Variants in DYNC2H1 observed in about 807,000 individuals in gnomAD.
DYNC2H1 encodes cytoplasmic dynein 2 heavy chain 1.
A neutral mutation model predicts 570.0 loss-of-function variants in DYNC2H1; 410 were observed. The observed-to-expected ratio is 0.72, with a 90% CI of 0.66 to 0.78. DYNC2H1 has a LOEUF of 0.78. Ranked by LOEUF, DYNC2H1 falls within the 30% of genes least tolerant of loss-of-function variation. The pLI is 0.00. For missense variants in DYNC2H1, 4,865 were observed against 5,046.4 expected (o/e 0.96, Z 1.09); for synonymous variants, 1,688 against 1,677.6 (o/e 1.01, Z -0.15).
At chr11:103,285,447 G>C (rs1866311588) in intron 73 of DYNC2H1, among the ~76,000 whole-genome samples, 1 of 127,940 alleles carries the variant, frequency 7.8e-6, no homozygotes, top group Non-Finnish European at 1.6e-5. Context: ...TTTTGAGACA[G>C]AGTCTCGCTC....
chr11:103,143,710 C>G (rs968156009), intron 18 of DYNC2H1, among the ~76,000 whole-genome samples: 2 of 152,096 alleles, frequency 1.3e-5, no homozygotes, highest in Non-Finnish European at 2.9e-5. Flanking sequence ...CTGGTGAGAG[C>G]ATACTAGACA....
At chr11:103,120,108 G>C (rs1858621451) in intron 6 of DYNC2H1, among the ~76,000 whole-genome samples, 1 of 152,024 alleles carries the variant, frequency 6.6e-6, no homozygotes, top group African/African-American at 2.4e-5. Context: ...TTAAGGGTAG[G>C]CTCTAAAAAT....
intron 25 of DYNC2H1, among the ~76,000 whole-genome samples, 196 bp downstream of exon 25, chr11:103,155,697 A>G (rs1291076535): frequency 1.3e-5 from 2 of 152,228 alleles, no homozygotes; most frequent in Non-Finnish European, 2.9e-5. Flanking sequence ...GCTAGAGGAT[A>G]CACAAATCCA....
At position 103,156,621 on chromosome 11, in the gene DYNC2H1, A is replaced by G. The variant is rs1860839437; in HGVS notation, c.3978A>G (p.Ser1326=). The G allele has an allele frequency of 1.2e-6, 2 of 1,613,614 alleles. No individual in the cohort carries two copies. Among genetic ancestry groups the G allele is most frequent in the East Asian group, 4.5e-5 (2 of 44,848 alleles). ...PYYKGFEDKV[S]IWERKLAELD... ...ATAAAGGATTTGAAGATAAAGTATC[A>G]ATTTGGGAAAGAAAACTTGCAGAGT... The change falls in exon 26 of 89, where the codon TCA becomes TCG. Residue 1326 remains serine, a synonymous_variant. Transcript: ENST00000375735.
At chr11:103,167,750 A>C (rs970870028) in intron 31 of DYNC2H1, among the ~76,000 whole-genome samples, 2 of 152,174 alleles carry the variant, frequency 1.3e-5, no homozygotes, top group African/African-American at 4.8e-5. Context: ...TTTTGTTTAA[A>C]TCCTCTGGAG....
intron 87 of DYNC2H1, among the ~76,000 whole-genome samples, chr11:103,460,045 G>T (rs1235162667): frequency 6.6e-6 from 1 of 151,970 alleles, no homozygotes; most frequent in Non-Finnish European, 1.5e-5. Context: ...GTTGAGATGG[G>T]GTTTTGCTAT....
rs1226744446 is a variant in DYNC2H1, at chr11:103,177,770, C to T, written c.6089C>T (p.Ser2030Phe). 5 of 1,612,988 alleles carry T rather than the reference C, an allele frequency of 3.1e-6. 1 individual carries two copies. In the Middle Eastern group the frequency reaches 6.6e-4, roughly 213 times the overall value. ...GHIDMDTREW[S>F]DGVLTNSARQ... ...ATTGACATGGACACAAGAGAATGGT[C>T]TGATGGTGTTTTGACAAATAGTGCT... Residue 2030 changes from serine (S) to phenylalanine (F), a missense_variant, in exon 38 of 89, where the codon TCT becomes TTT. Ser to Phe is a radical substitution (Grantham distance 155, BLOSUM62 -2). Transcript: ENST00000375735. The surrounding 1 kb of genome is among the most constrained non-coding windows in gnomAD (Gnocchi z 4.4).
At chr11:103,463,111 T>A (rs894508599) in intron 87 of DYNC2H1, among the ~76,000 whole-genome samples, 1 of 152,212 alleles carries the variant, frequency 6.6e-6, no homozygotes, top group African/African-American at 2.4e-5. Flanking sequence ...TGAGAACCGC[T>A]GAAGATGGCC....
chr11:103,389,211 TCTC>T (rs1435026575), intron 83 of DYNC2H1, among the ~76,000 whole-genome samples: 1 of 152,232 alleles, frequency 6.6e-6, no homozygotes, highest in Non-Finnish European at 1.5e-5. Flanking sequence ...AGATTCAACT[TCTC>T]CTGGTTTAGT....
At chr11:103,421,003 C>T (rs1418557874) in intron 84 of DYNC2H1, among the ~76,000 whole-genome samples, 1 of 152,152 alleles carries the variant, frequency 6.6e-6, no homozygotes, top group Non-Finnish European at 1.5e-5. Context: ...CAAAGACACA[C>T]ATAGGCTCAA....
At position 103,257,721 on chromosome 11, in the gene DYNC2H1, A is replaced by G; in HGVS notation, c.10575A>G (p.Arg3525=). 1 of 1,603,558 alleles carries G rather than the reference A, an allele frequency of 6.2e-7. No individual in the cohort carries two copies. Among genetic ancestry groups the G allele is most frequent in the Non-Finnish European group, 8.5e-7 (1 of 1,174,558 alleles). ...MYRFSLAAFL[R]LFQRALQNKQ... is the part of the protein sequence containing the mutation. Reference sequence around the variant, plus strand: ...GTTTTAGTTTGGCTGCTTTTCTCCGACTTTTCCAACGAGCTCTACAAAACA... The same window carrying G: ...GTTTTAGTTTGGCTGCTTTTCTCCGGCTTTTCCAACGAGCTCTACAAAACA... The change falls in exon 69 of 89, where the codon CGA becomes CGG. Residue 3525 remains arginine (R), a synonymous_variant. Transcript: ENST00000375735.
intron 87 of DYNC2H1, among the ~76,000 whole-genome samples, chr11:103,457,915 CTT>C (rs1460318090): frequency 1.3e-5 from 2 of 152,028 alleles, no homozygotes; most frequent in Non-Finnish European, 2.9e-5. Flanking sequence ...ATAAATAACA[CTT>C]AGCTTAAAAC....
At position 103,326,848 on chromosome 11, in the gene DYNC2H1, G is replaced by T. The variant is rs77605476; in HGVS notation, c.12039+2858G>T. ...TCTAGGAGGGTGATGAGGACCCCTGGGGGAATGGGCACTTAGGGCCTTACT... is the reference window on the plus strand; with the variant it reads ...TCTAGGAGGGTGATGAGGACCCCTGTGGGAATGGGCACTTAGGGCCTTACT... On this transcript the variant is annotated intron_variant, in intron 82 of 88. Coordinates refer to ENST00000375735, the MANE Select transcript of DYNC2H1 (RefSeq NM_001377.3). This position sits in a 1 kb window ranked among gnomAD's most constrained non-coding sequence, Gnocchi z 6.1. Among the ~76,000 whole-genome samples the T allele has an allele frequency of 1.8e-3, 275 of 152,280 alleles. No homozygotes were observed. The highest frequency in any genetic ancestry group is 6.4e-3 in the African/African-American group (267 of 41,578).
intron 84 of DYNC2H1, among the ~76,000 whole-genome samples, chr11:103,410,064 C>T (rs1943016905): frequency 6.6e-6 from 1 of 151,390 alleles, no homozygotes; most frequent in African/African-American, 2.4e-5. Context: ...TGAAATCTTC[C>T]AGGGGTAAGC....
chr11:103,169,014 G>C, intron 32 of DYNC2H1, 54 bp downstream of exon 32: 2 of 1,438,700 alleles, frequency 1.4e-6, no homozygotes, highest in Non-Finnish European at 1.8e-6. Flanking sequence ...TTACTGTAAA[G>C]AAAATTTGTT....
At chr11:103,166,834 A>T (rs1381623319) in intron 31 of DYNC2H1, among the ~76,000 whole-genome samples, 1 of 151,920 alleles carries the variant, frequency 6.6e-6, no homozygotes, top group African/African-American at 2.4e-5. Flanking sequence ...TCTCAGCTTC[A>T]ATCTGTACAT....
At chr11:103,415,175 T>C (rs1943238381) in intron 84 of DYNC2H1, among the ~76,000 whole-genome samples, 1 of 152,122 alleles carries the variant, frequency 6.6e-6, no homozygotes, top group Non-Finnish European at 1.5e-5. Context: ...TCGAGATGGA[T>C]TAAAGACTTA....
chr11:103,320,271 A>T (rs1591572992), intron 80 of DYNC2H1, among the ~76,000 whole-genome samples: 2 of 152,244 alleles, frequency 1.3e-5, no homozygotes, highest in East Asian at 3.9e-4. Flanking sequence ...GCGTGGTGGC[A>T]TGCGCCTGTA....
At chr11:103,294,261 T>C (rs1866731489) in intron 75 of DYNC2H1, among the ~76,000 whole-genome samples, 1 of 152,194 alleles carries the variant, frequency 6.6e-6, no homozygotes, top group Admixed American at 6.5e-5. Flanking sequence ...ATGTTTCTGA[T>C]GCTTGTGGAC....
Sources: allele counts gnomAD v4.1 joint callset (sites outside exome capture counted in the v4.1 genomes callset), GRCh38; gene constraint gnomAD v4.1.1; non-coding constraint Gnocchi (gnomAD v3.1); transcripts MANE v1.5; gene names NCBI Gene and HGNC (gene_info 2026-07-23, HGNC 2026-07-21).